ENTREP2: variants seen among roughly 807,000 people sequenced by gnomAD.
ENTREP2 encodes the protein endosomal transmembrane epsin interactor 2.
chr15:29,372,909 C>G, the ENTREP2 span, among the ~76,000 whole-genome samples: 235 of 151,654 alleles, frequency 1.5e-3, no homozygotes, highest in Non-Finnish European at 2.6e-3. Context: ...AATGGTCATC[C>G]GTTAGGAAAA....
the ENTREP2 span, among the ~76,000 whole-genome samples, chr15:29,237,087 A>C: frequency 2.0e-5 from 3 of 152,332 alleles, no homozygotes; most frequent in South Asian, 6.2e-4. Context: ...AAATCAATGA[A>C]ATCCACCAGA....
At chr15:29,215,002 G>C in the ENTREP2 span, among the ~76,000 whole-genome samples, 13 of 152,156 alleles carry the variant, frequency 8.5e-5, no homozygotes, top group Admixed American at 7.2e-4. Context: ...CTGACTTTTT[G>C]TCTTGATGAC....
the ENTREP2 span, among the ~76,000 whole-genome samples, chr15:29,150,236 A>G: frequency 0.031 from 4,684 of 152,300 alleles, 216 homozygotes; most frequent in African/African-American, 0.11. Context: ...CAGACCCTGG[A>G]GCGCCTGGCT....
At chr15:29,615,183 T>G in the ENTREP2 span, among the ~76,000 whole-genome samples, 9 of 148,258 alleles carry the variant, frequency 6.1e-5, no homozygotes, top group Admixed American at 2.1e-4. Context: ...TGAGACGGAG[T>G]CTCCCTCCAT....
chr15:29,315,411 T>C, the ENTREP2 span, among the ~76,000 whole-genome samples: 1 of 152,152 alleles, frequency 6.6e-6, no homozygotes, highest in Non-Finnish European at 1.5e-5. Context: ...ACAAACACAT[T>C]TGTCTATGGT....
the ENTREP2 span, among the ~76,000 whole-genome samples, chr15:29,249,450 C>T: frequency 6.6e-6 from 1 of 152,160 alleles, no homozygotes; most frequent in South Asian, 2.1e-4. Flanking sequence ...CATATACACA[C>T]ACATTATGCA....
chr15:29,290,149 C>G, the ENTREP2 span, among the ~76,000 whole-genome samples: 1 of 152,100 alleles, frequency 6.6e-6, no homozygotes. Flanking sequence ...TCAAAAAAGT[C>G]AAACTCTTTA....
chr15:29,134,853 T>C, the ENTREP2 span, among the ~76,000 whole-genome samples: 6 of 152,058 alleles, frequency 3.9e-5, no homozygotes, highest in African/African-American at 1.4e-4. Flanking sequence ...AGGGAGAGCA[T>C]TGGGGGTGAC....
the ENTREP2 span, among the ~76,000 whole-genome samples, chr15:29,317,666 T>C: frequency 6.6e-6 from 1 of 152,304 alleles, no homozygotes; most frequent in East Asian, 1.9e-4. Context: ...ATAATGTTTC[T>C]ATATTAATCT....
the ENTREP2 span, among the ~76,000 whole-genome samples, chr15:29,152,406 A>C: frequency 2.0e-5 from 3 of 151,892 alleles, no homozygotes; most frequent in Non-Finnish European, 2.9e-5. Flanking sequence ...AGACACACTC[A>C]CCTCCCTTTC....
At chr15:29,353,148 T>A in the ENTREP2 span, among the ~76,000 whole-genome samples, 6 of 151,804 alleles carry the variant, frequency 4.0e-5, no homozygotes, top group Admixed American at 3.9e-4. Flanking sequence ...CATTTTTTTT[T>A]AATGTTTAAA....
chr15:29,438,086 G>A, the ENTREP2 span, among the ~76,000 whole-genome samples: 36 of 152,286 alleles, frequency 2.4e-4, no homozygotes, highest in South Asian at 5.4e-3. Context: ...ACCTGGATCC[G>A]CATCCTGCCT....
the ENTREP2 span, among the ~76,000 whole-genome samples, chr15:29,577,008 C>G: frequency 6.6e-6 from 1 of 151,872 alleles, no homozygotes; most frequent in Non-Finnish European, 1.5e-5. Context: ...GGGGTTTCAC[C>G]GTGTTAGCCA....
the ENTREP2 span, among the ~76,000 whole-genome samples, chr15:29,342,139 A>T: frequency 9.2e-5 from 14 of 152,170 alleles, no homozygotes; most frequent in Non-Finnish European, 1.9e-4. Flanking sequence ...TGGCTGCTGC[A>T]GAAGTTGGGG....
chr15:29,637,323 A>T, the ENTREP2 span, among the ~76,000 whole-genome samples: 10 of 152,220 alleles, frequency 6.6e-5, no homozygotes, highest in African/African-American at 2.4e-4. Context: ...ACCTGGGAGG[A>T]CATCATAAAG....
chr15:29,322,673 T>C, the ENTREP2 span, among the ~76,000 whole-genome samples: 1 of 152,218 alleles, frequency 6.6e-6, no homozygotes, highest in Non-Finnish European at 1.5e-5. Context: ...GTGTAAAGTG[T>C]CGACTTGCTG....
chr15:29,363,101 C>A, the ENTREP2 span, among the ~76,000 whole-genome samples: 3 of 152,078 alleles, frequency 2.0e-5, no homozygotes, highest in African/African-American at 7.2e-5. Context: ...CTACTTCCTT[C>A]TTTTCTTCTG....
the ENTREP2 span, among the ~76,000 whole-genome samples, chr15:29,119,472 A>G: frequency 5.9e-5 from 1 of 16,932 alleles, no homozygotes; most frequent in South Asian, 5.3e-3. Context: ...GGGGGGAGGG[A>G]TAGCATTGGG....
chr15:29,489,053 C>A, the ENTREP2 span, among the ~76,000 whole-genome samples: 3 of 152,112 alleles, frequency 2.0e-5, no homozygotes, highest in Non-Finnish European at 2.9e-5. Context: ...GGAGTGGTTA[C>A]ACAACGGTGT....
Sources: allele counts gnomAD v4.1 joint callset (sites outside exome capture counted in the v4.1 genomes callset), GRCh38; gene constraint gnomAD v4.1.1; transcripts MANE v1.5; gene names NCBI Gene and HGNC (gene_info 2026-07-23, HGNC 2026-07-21).